The following CTNNBL1 variants were observed in gnomAD, a reference collection of about 807,000 sequenced individuals.
The protein encoded by CTNNBL1 is beta-catenin-like protein 1.
Under a neutral mutation model 72.7 loss-of-function variants are expected in CTNNBL1, and 31 were observed. The observed-to-expected ratio is 0.43, with a 90% CI of 0.32 to 0.58. The LOEUF (loss-of-function observed/expected upper bound fraction) is 0.58, where lower values mean the gene tolerates loss of function less well. CTNNBL1 is among the 20% of genes least tolerant of loss of function. The probability of loss-of-function intolerance (pLI) is 0.08; values close to 1 mark genes in which losing one functional copy is unlikely to be tolerated. For synonymous variants in CTNNBL1, 240 were observed against 267.3 expected (o/e 0.90, Z 1.00); for missense variants, 534 against 725.1 (o/e 0.74, Z 3.03).
At chr20:37,803,217 G>C (rs1304393001) in intron 11 of CTNNBL1, among the ~76,000 whole-genome samples, 169 bp downstream of exon 11, 1 of 152,150 alleles carries the variant, frequency 6.6e-6, no homozygotes, top group Non-Finnish European at 1.5e-5. Context: ...CCAGGTCACT[G>C]ATAGCCTTTG....
intron 1 of CTNNBL1, among the ~76,000 whole-genome samples, chr20:37,719,500 A>C (rs80035328): frequency 0.062 from 9,496 of 152,216 alleles, 353 homozygotes; most frequent in African/African-American, 0.072. Context: ...TGAAGGAAAG[A>C]ACATGCCTTT....
chr20:37,719,352 G>T (rs148121649), intron 1 of CTNNBL1, among the ~76,000 whole-genome samples: 273 of 152,286 alleles, frequency 1.8e-3, no homozygotes, highest in Non-Finnish European at 3.2e-3. Context: ...CACCTTCCTT[G>T]ATCTCCAGTC....
chr20:37,759,847 G>A (rs1250070796), intron 5 of CTNNBL1, among the ~76,000 whole-genome samples: 1 of 152,128 alleles, frequency 6.6e-6, no homozygotes, highest in Non-Finnish European at 1.5e-5. Flanking sequence ...AATTTGATAA[G>A]TACTCTCATA....
At chr20:37,830,124 T>G (rs572530974) in intron 11 of CTNNBL1, among the ~76,000 whole-genome samples, 1 of 64,664 alleles carries the variant, frequency 1.5e-5, no homozygotes, top group East Asian at 5.3e-4. Flanking sequence ...GTGAGCCAAC[T>G]GTAATTTTTT....
At chr20:37,870,010 C>CT (rs757222479) in intron 15 of CTNNBL1, among the ~76,000 whole-genome samples, 2 of 146,218 alleles carry the variant, frequency 1.4e-5, no homozygotes, top group African/African-American at 5.1e-5. Context: ...TCGCCATCTC[C>CT]TAAAAAAAAA....
chr20:37,870,446 C>G (rs2072574380), intron 15 of CTNNBL1, among the ~76,000 whole-genome samples: 1 of 152,088 alleles, frequency 6.6e-6, no homozygotes, highest in African/African-American at 2.4e-5. Flanking sequence ...ATTCTGGGCT[C>G]ACTGTCAGCC....
At chr20:37,866,495 T>C (rs930174895) in intron 15 of CTNNBL1, among the ~76,000 whole-genome samples, 3 of 152,216 alleles carry the variant, frequency 2.0e-5, no homozygotes, top group Admixed American at 2.0e-4. Context: ...CTCAGAAGGC[T>C]GCTGTGAGAA....
At chr20:37,784,856 A>G (rs938257925) in intron 10 of CTNNBL1, among the ~76,000 whole-genome samples, 3 of 152,008 alleles carry the variant, frequency 2.0e-5, no homozygotes, top group Non-Finnish European at 4.4e-5. Context: ...GTGATTTCTT[A>G]TTGCTCATTG....
chr20:37,810,672 A>G (rs1419568400), intron 11 of CTNNBL1, among the ~76,000 whole-genome samples: 1 of 152,196 alleles, frequency 6.6e-6, no homozygotes, highest in Non-Finnish European at 1.5e-5. Flanking sequence ...GGCTTAAGAG[A>G]TGAGATAACA....
chr20:37,828,318 A>T (rs1216907275), intron 11 of CTNNBL1, among the ~76,000 whole-genome samples: 1 of 152,196 alleles, frequency 6.6e-6, no homozygotes, highest in African/African-American at 2.4e-5. Context: ...TACAAGCATT[A>T]GGTGTTTGAA....
At chr20:37,724,891 C>T (rs941977228) in intron 1 of CTNNBL1, among the ~76,000 whole-genome samples, 4 of 146,596 alleles carry the variant, frequency 2.7e-5, no homozygotes, top group Non-Finnish European at 4.5e-5. Flanking sequence ...AGTCCGAGGG[C>T]GGGTGGTCCT....
intron 3 of CTNNBL1, among the ~76,000 whole-genome samples, chr20:37,743,001 A>C (rs1344534531): frequency 6.6e-6 from 1 of 151,782 alleles, no homozygotes; most frequent in Non-Finnish European, 1.5e-5. Flanking sequence ...ACGGGGTTTC[A>C]CTCTGTTGGC....
At chr20:37,776,276 TGAG>T (rs2073572547) in intron 7 of CTNNBL1, among the ~76,000 whole-genome samples, 1 of 152,226 alleles carries the variant, frequency 6.6e-6, no homozygotes, top group Admixed American at 6.5e-5. Context: ...CTTAGCTTGA[TGAG>T]GAAGACGTGC....
chr20:37,849,613 C>T (rs1276754295), intron 13 of CTNNBL1, among the ~76,000 whole-genome samples: 2 of 152,194 alleles, frequency 1.3e-5, no homozygotes, highest in African/African-American at 2.4e-5. Flanking sequence ...AGTCAATAAA[C>T]ATGTATTGAG....
intron 11 of CTNNBL1, among the ~76,000 whole-genome samples, chr20:37,818,028 A>T (rs910081112): frequency 6.6e-6 from 1 of 152,232 alleles, no homozygotes; most frequent in Non-Finnish European, 1.5e-5. Context: ...AAAGAAGCCC[A>T]CATCTGATTC....
At chr20:37,774,398 C>T (rs572635253) in intron 7 of CTNNBL1, among the ~76,000 whole-genome samples, 2 of 152,288 alleles carry the variant, frequency 1.3e-5, no homozygotes, top group South Asian at 2.1e-4. Flanking sequence ...TGCCAAGCTG[C>T]TTCTCAGCTG....
chr20:37,734,742 A>G (rs1378578983), intron 2 of CTNNBL1, among the ~76,000 whole-genome samples: 1 of 152,236 alleles, frequency 6.6e-6, no homozygotes, highest in Non-Finnish European at 1.5e-5. Context: ...TTTGTGCTAC[A>G]TCATCAGCAT....
intron 10 of CTNNBL1, among the ~76,000 whole-genome samples, chr20:37,793,381 T>C (rs1670279119): frequency 6.6e-6 from 1 of 152,244 alleles, no homozygotes; most frequent in Non-Finnish European, 1.5e-5. Flanking sequence ...AATAACTTTC[T>C]TTATCCCTGG....
chr20:37,714,982 G>A (rs2072973293), intron 1 of CTNNBL1, among the ~76,000 whole-genome samples: 1 of 152,156 alleles, frequency 6.6e-6, no homozygotes, highest in Middle Eastern at 3.4e-3. Context: ...TCTTTTCACC[G>A]CACCTCACCC....
Sources: allele counts gnomAD v4.1 joint callset (sites outside exome capture counted in the v4.1 genomes callset), GRCh38; gene constraint gnomAD v4.1.1; transcripts MANE v1.5; gene names NCBI Gene and HGNC (gene_info 2026-07-23, HGNC 2026-07-21).